The following CREBBP variants were observed in gnomAD, a reference collection of about 807,000 sequenced individuals.
CREBBP encodes CREB-binding protein.
A neutral mutation model predicts 265.0 loss-of-function variants in CREBBP; 19 were observed. The ratio of observed to expected loss-of-function variants is 0.07; its 90% CI spans 0.05 to 0.11. CREBBP has a LOEUF of 0.11. Among genes scored for constraint, CREBBP ranks in the 10% least tolerant of loss-of-function variants. The pLI is 1.00. For missense variants in CREBBP, 2,525 were observed against 3,219.0 expected (o/e 0.78, Z 5.22); for synonymous variants, 1,457 against 1,223.7 (o/e 1.19, Z -3.98).
chr16:3,845,665 C>T (rs576330647), intron 2 of CREBBP, among the ~76,000 whole-genome samples: 5 of 152,062 alleles, frequency 3.3e-5, no homozygotes, highest in Non-Finnish European at 7.4e-5. Context: ...GTGGGTGGAT[C>T]GCTTGAGCTC....
At chr16:3,762,342 G>A (rs1054910014) in intron 16 of CREBBP, among the ~76,000 whole-genome samples, 1 of 150,904 alleles carries the variant, frequency 6.6e-6, no homozygotes, top group East Asian at 1.9e-4. Flanking sequence ...ATTCCGTGCT[G>A]AGGAGAGCAT....
In CREBBP at chr16:3,879,796, G is replaced by A. The variant is rs777480374; in HGVS notation, c.85+36C>T. On this transcript the variant is annotated intron_variant, in intron 1 of 30. Coordinates refer to ENST00000262367, the MANE Select transcript of CREBBP (RefSeq NM_004380.3). ...CTCTTTCAGGTGGGGGTGACAGCGCGCCCCGGGCCCCCGCCGCCCCGGACC... is the reference window on the plus strand; with the variant it reads ...CTCTTTCAGGTGGGGGTGACAGCGCACCCCGGGCCCCCGCCGCCCCGGACC... The A allele has an allele frequency of 1.6e-5, 25 of 1,546,578 alleles. No individual in the cohort carries two copies. In the East Asian group the frequency reaches 5.0e-4, roughly 31 times the overall value.
At chr16:3,852,819 G>C (rs1174922070) in intron 1 of CREBBP, among the ~76,000 whole-genome samples, 2 of 152,074 alleles carry the variant, frequency 1.3e-5, no homozygotes, top group Non-Finnish European at 2.9e-5. Flanking sequence ...CCCTTTCAAA[G>C]TAACTTTTCT....
intron 2 of CREBBP, among the ~76,000 whole-genome samples, chr16:3,842,673 G>C (rs539708621): frequency 6.6e-6 from 1 of 152,090 alleles, no homozygotes; most frequent in South Asian, 2.1e-4. Context: ...CATAAAATTA[G>C]AAATGAGATG....
chr16:3,739,509 C>G (rs2151336132), intron 25 of CREBBP, 69 bp downstream of exon 25: 1 of 1,598,636 alleles, frequency 6.3e-7, no homozygotes, highest in Non-Finnish European at 8.6e-7. Context: ...CTCTGGGACA[C>G]TTAAGAGCCC....
At chr16:3,831,360 G>T (rs895772790) in intron 2 of CREBBP, among the ~76,000 whole-genome samples, 16 of 152,088 alleles carry the variant, frequency 1.1e-4, no homozygotes, top group African/African-American at 3.9e-4. Flanking sequence ...ATTAACAACA[G>T]TATTTGGGGT....
chr16:3,805,500 G>A (rs1273776756), intron 3 of CREBBP, among the ~76,000 whole-genome samples: 1 of 152,172 alleles, frequency 6.6e-6, no homozygotes, highest in East Asian at 1.9e-4. Flanking sequence ...GGGAACACAG[G>A]CATTTGTGCA....
chr16:3,757,432 T>C lies in CREBBP; in HGVS notation c.3610-56A>G, dbSNP rs2151382332. The C allele has an allele frequency of 3.7e-6, 5 of 1,363,058 alleles. No homozygotes were observed. The Admixed American group carries it at 5.8e-5, about 16-fold the overall frequency. 84.4% of individuals were successfully genotyped at this position (1,363,058 alleles called of 1,614,324 possible). On this transcript the variant is annotated intron_variant, in intron 18 of 30. Transcript: ENST00000262367. ...TAAAAATACATTCCATTTACTGTCT[T>C]ATAATGTTCTAGTCTACTATAGAGA...
chr16:3,749,937 G>A (rs780312587), intron 20 of CREBBP, among the ~76,000 whole-genome samples: 7 of 152,094 alleles, frequency 4.6e-5, no homozygotes, highest in Non-Finnish European at 8.8e-5. Context: ...GTCTTGCTCT[G>A]TTGCCCAGGC....
intron 4 of CREBBP, 129 bp from the exon 5 acceptor site, chr16:3,792,223 G>T: frequency 2.4e-6 from 2 of 822,356 alleles, no homozygotes; most frequent in South Asian, 1.4e-5. Flanking sequence ...AGTATAGGCA[G>T]TCCTCAACTT....
At chr16:3,866,621 A>C (rs2055183532) in intron 1 of CREBBP, among the ~76,000 whole-genome samples, 1 of 152,156 alleles carries the variant, frequency 6.6e-6, no homozygotes, top group Non-Finnish European at 1.5e-5. Context: ...TTCTTTTTTC[A>C]CTATGAAAGT....
chr16:3,851,159 A>G, intron 1 of CREBBP, 150 bp from the exon 2 acceptor site: 1 of 717,592 alleles, frequency 1.4e-6, no homozygotes. Flanking sequence ...GTGGTAGCGC[A>G]TGCCTGTAAT....
At chr16:3,737,474 C>CG (rs1299999822) in intron 26 of CREBBP, among the ~76,000 whole-genome samples, 8 of 145,766 alleles carry the variant, frequency 5.5e-5, no homozygotes, top group South Asian at 2.2e-4. Context: ...TTTTTGCGGG[C>CG]GGGGGGCAGA....
chr16:3,790,512 T>C (rs183107339), intron 5 of CREBBP, among the ~76,000 whole-genome samples: 10 of 152,104 alleles, frequency 6.6e-5, no homozygotes, highest in South Asian at 6.2e-4. Flanking sequence ...GTAGCTGGAA[T>C]TACAGGCATG....
At chr16:3,847,745 G>A (rs189860979) in intron 2 of CREBBP, among the ~76,000 whole-genome samples, 30 of 152,292 alleles carry the variant, frequency 2.0e-4, no homozygotes, top group African/African-American at 6.7e-4. Context: ...CACTCTCCAG[G>A]ATAAATAGCA....
chr16:3,865,750 T>A (rs1396587754), intron 1 of CREBBP, among the ~76,000 whole-genome samples: 1 of 152,128 alleles, frequency 6.6e-6, no homozygotes, highest in Admixed American at 6.5e-5. Flanking sequence ...GCAATTCTCC[T>A]GCCTCAGCCT....
chr16:3,772,908 AAAAATAC>A (rs1441946848), intron 13 of CREBBP, among the ~76,000 whole-genome samples: 2 of 126,324 alleles, frequency 1.6e-5, no homozygotes, highest in African/African-American at 3.1e-5. Context: ...CGTCTCTACT[AAAAATAC>A]AAAAAAAAAA....
At chr16:3,748,636 A>G (rs1431829613) in intron 21 of CREBBP, among the ~76,000 whole-genome samples, 1 of 152,242 alleles carries the variant, frequency 6.6e-6, no homozygotes, top group African/African-American at 2.4e-5. Context: ...GCTGAGTCAC[A>G]GCCCACACTT....
chr16:3,783,043 A>G (rs1347989345), intron 5 of CREBBP, 117 bp from the exon 6 acceptor site: 3 of 1,333,156 alleles, frequency 2.3e-6, no homozygotes, highest in Middle Eastern at 1.8e-4. Context: ...CTACACATGA[A>G]TATCATAAAG....
Sources: allele counts gnomAD v4.1 joint callset (sites outside exome capture counted in the v4.1 genomes callset), GRCh38; gene constraint gnomAD v4.1.1; transcripts MANE v1.5; gene names NCBI Gene and HGNC (gene_info 2026-07-23, HGNC 2026-07-21).